VPS41: variants seen among roughly 807,000 people sequenced by gnomAD.
VPS41 encodes the protein VPS41 subunit of HOPS complex, also known as vacuolar protein sorting-associated protein 41 homolog.
Under a neutral mutation model 130.9 loss-of-function variants are expected in VPS41, and 85 were observed. The observed-to-expected ratio is 0.65, with a 90% confidence interval of 0.55 to 0.78. The LOEUF is 0.78. Ranked by LOEUF, VPS41 falls within the 30% of genes least tolerant of loss-of-function variation. VPS41 has a pLI of 0.00. For synonymous variants in VPS41, 335 were observed against 332.9 expected (o/e 1.01, Z -0.07); for missense variants, 874 against 1,018.7 (o/e 0.86, Z 1.93).
intron 4 of VPS41, among the ~76,000 whole-genome samples, chr7:38,832,489 T>G (rs1230430051): frequency 6.6e-6 from 1 of 152,052 alleles, no homozygotes; most frequent in African/African-American, 2.4e-5. Context: ...CAGCTAATTT[T>G]CACATAACAT....
chr7:38,823,919 C>T (rs956421960), intron 5 of VPS41, among the ~76,000 whole-genome samples: 3 of 152,134 alleles, frequency 2.0e-5, no homozygotes, highest in African/African-American at 7.2e-5. Flanking sequence ...ATATAACAAA[C>T]ATCTTATAAA....
chr7:38,752,713 C>T (rs570785616), intron 21 of VPS41, among the ~76,000 whole-genome samples: 1 of 152,294 alleles, frequency 6.6e-6, no homozygotes, highest in South Asian at 2.1e-4. Context: ...TTGTCAATAT[C>T]ATCATTGGTA....
chr7:38,744,222 A>G (rs950130102), intron 23 of VPS41, among the ~76,000 whole-genome samples: 2 of 152,164 alleles, frequency 1.3e-5, no homozygotes, highest in African/African-American at 4.8e-5. Flanking sequence ...GCATTTTAAT[A>G]GTTTAAAGTT....
chr7:38,800,503 G>A (rs1784704425), intron 7 of VPS41, among the ~76,000 whole-genome samples: 1 of 152,098 alleles, frequency 6.6e-6, no homozygotes, highest in Non-Finnish European at 1.5e-5. Flanking sequence ...GGAAAACTTA[G>A]GGGAATAGTT....
chr7:38,807,514 T>C (rs1784863686), intron 7 of VPS41, among the ~76,000 whole-genome samples: 1 of 152,234 alleles, frequency 6.6e-6, no homozygotes, highest in Non-Finnish European at 1.5e-5. Flanking sequence ...GTCAAGTCAC[T>C]ATTCTGACTA....
At chr7:38,813,851 G>A (rs1259345148) in intron 7 of VPS41, among the ~76,000 whole-genome samples, 3 of 151,970 alleles carry the variant, frequency 2.0e-5, no homozygotes, top group Non-Finnish European at 4.4e-5. Context: ...GGAACGAGAT[G>A]TCAACAGATG....
intron 2 of VPS41, among the ~76,000 whole-genome samples, chr7:38,878,473 C>G (rs1194516865): frequency 6.6e-6 from 1 of 152,086 alleles, no homozygotes; most frequent in Non-Finnish European, 1.5e-5. Context: ...TATCAAAACT[C>G]CCAAACAGTA....
intron 10 of VPS41, among the ~76,000 whole-genome samples, chr7:38,786,699 C>A (rs1784444647): frequency 6.6e-6 from 1 of 151,982 alleles, no homozygotes; most frequent in Admixed American, 6.6e-5. Context: ...TTATACTGAA[C>A]TATCTATAAC....
chr7:38,801,847 C>A (rs6415270), intron 7 of VPS41, among the ~76,000 whole-genome samples: 3 of 151,990 alleles, frequency 2.0e-5, no homozygotes, highest in Non-Finnish European at 1.5e-5. Context: ...ACACACAATG[C>A]GTTTGCTACA....
At chr7:38,886,401 C>A (rs879888801) in intron 2 of VPS41, among the ~76,000 whole-genome samples, 3 of 152,210 alleles carry the variant, frequency 2.0e-5, no homozygotes, top group African/African-American at 4.8e-5. Context: ...TCGCTGCTAA[C>A]GCAGCAGTCT....
intron 4 of VPS41, among the ~76,000 whole-genome samples, chr7:38,853,581 T>C (rs1030210470): frequency 8.5e-5 from 13 of 152,194 alleles, no homozygotes; most frequent in African/African-American, 2.9e-4. Context: ...CTACACCTTA[T>C]TCATAATCCT....
chr7:38,796,979 C>G, intron 7 of VPS41, 115 bp from the exon 8 acceptor site: 1 of 1,202,192 alleles, frequency 8.3e-7, no homozygotes, highest in Admixed American at 1.9e-5. Context: ...TCACTCTCGA[C>G]GTCTTTAATG....
At chr7:38,844,444 C>T (rs1431718056) in intron 4 of VPS41, among the ~76,000 whole-genome samples, 1 of 152,176 alleles carries the variant, frequency 6.6e-6, no homozygotes, top group Non-Finnish European at 1.5e-5. Flanking sequence ...GCCACTTAAA[C>T]TTCCATTCTA....
intron 1 of VPS41, among the ~76,000 whole-genome samples, chr7:38,900,411 G>C (rs1787115767): frequency 6.6e-6 from 1 of 152,066 alleles, no homozygotes; most frequent in African/African-American, 2.4e-5. Context: ...GGGAAGGGTA[G>C]ATGATGAGAA....
chr7:38,829,507 TAA>T (rs1785345045), intron 5 of VPS41, among the ~76,000 whole-genome samples: 2 of 150,960 alleles, frequency 1.3e-5, no homozygotes, highest in South Asian at 4.1e-4. Flanking sequence ...AAAAGTAGCT[TAA>T]ATACACTGTG....
intron 25 of VPS41, among the ~76,000 whole-genome samples, chr7:38,729,117 G>A (rs1354241185): frequency 6.6e-6 from 1 of 152,176 alleles, no homozygotes; most frequent in Non-Finnish European, 1.5e-5. Flanking sequence ...CTACTTTAGA[G>A]GGCTTCCTTA....
chr7:38,734,921 T>C (rs1795733966), intron 25 of VPS41, among the ~76,000 whole-genome samples: 1 of 152,222 alleles, frequency 6.6e-6, no homozygotes, highest in Admixed American at 6.5e-5. Context: ...GCTATGGGAC[T>C]TGAATTCTTC....
In VPS41 at chr7:38,742,059, G is replaced by T; in HGVS notation, c.2185C>A (p.Arg729Ser). The T allele has an allele frequency of 1.2e-6, 2 of 1,613,130 alleles. No individual in the cohort carries two copies. The highest frequency in any genetic ancestry group is 1.7e-6 in the Non-Finnish European group (2 of 1,179,616). Residue 729 changes from arginine (R) to serine (S), a missense_variant, in exon 25 of 29, where the codon CGT becomes AGT. By Grantham distance (110) the Arg-to-Ser change is moderately radical. Transcript: ENST00000310301. ...GGGATCTCCATTCCTTCCTTAATAC[G>T]GTGAATCAGTAGAATTGGGTCAACA... ...THVDPILLIH[R>S]IKEGMEIPNL...
intron 7 of VPS41, among the ~76,000 whole-genome samples, chr7:38,814,545 G>A (rs926902060): frequency 7.2e-5 from 11 of 152,122 alleles, no homozygotes; most frequent in Admixed American, 7.2e-4. Context: ...AGCTACTCGG[G>A]AGGCTGAGGG....
Sources: gnomAD v4.1 joint callset for allele counts (sites outside exome capture counted in the v4.1 genomes callset) on GRCh38, gnomAD v4.1.1 for gene constraint, MANE v1.5 for transcripts, NCBI Gene and HGNC (gene_info 2026-07-23, HGNC 2026-07-21) for gene names.